ZMAT3: variants seen among roughly 807,000 people sequenced by gnomAD.
ZMAT3 encodes the protein zinc finger matrin-type protein 3.
A neutral mutation model predicts 32.3 loss-of-function variants in ZMAT3; 17 were observed. The observed-to-expected ratio is 0.53, with a 90% CI of 0.36 to 0.79. The LOEUF is 0.79. ZMAT3 is among the 30% of genes least tolerant of loss of function. ZMAT3 has a pLI of 0.00. For missense variants in ZMAT3, 329 were observed against 359.7 expected (o/e 0.91, Z 0.69); for synonymous variants, 120 against 133.1 (o/e 0.90, Z 0.68).
At chr3:179,030,344 C>A (rs1045588049) in intron 3 of ZMAT3, among the ~76,000 whole-genome samples, 4 of 151,514 alleles carry the variant, frequency 2.6e-5, no homozygotes, top group Non-Finnish European at 4.4e-5. Context: ...GATCATTTAG[C>A]CCAGAATTTC....
At chr3:179,042,383 G>C (rs1201748129) in intron 2 of ZMAT3, among the ~76,000 whole-genome samples, 1 of 152,062 alleles carries the variant, frequency 6.6e-6, no homozygotes, top group African/African-American at 2.4e-5. Flanking sequence ...ACCATGATCA[G>C]GTCAGCTTCA....
Position 179,030,911 on chromosome 3 carries a change from G to T in ZMAT3, c.359C>A (p.Ala120Glu). 6.2e-7 allele frequency: 1 copy of T among 1,613,682 alleles called. No individual in the cohort carries two copies. The highest frequency in any genetic ancestry group is 8.5e-7 in the Non-Finnish European group (1 of 1,179,764). Reference sequence around the variant, plus strand: ...AGGGACTGGAACAACTGGAGTAGCTGCAGGCTCGACCACATTGCTCATTCT... The same window carrying T: ...AGGGACTGGAACAACTGGAGTAGCTTCAGGCTCGACCACATTGCTCATTCT... ...PARMSNVVEP[A>E]ATPVVPVPPQ... Residue 120 changes from alanine to glutamate, a missense_variant, in exon 3 of 6, where the codon GCA (alanine) becomes GAA (glutamate). By Grantham distance (107) the Ala-to-Glu change is moderately radical. Coordinates refer to ENST00000311417, the MANE Select transcript of ZMAT3 (RefSeq NM_022470.4).
At chr3:179,032,433 G>T (rs1719307121) in intron 2 of ZMAT3, among the ~76,000 whole-genome samples, 1 of 152,098 alleles carries the variant, frequency 6.6e-6, no homozygotes, top group South Asian at 2.1e-4. Context: ...CCCCGTCTAG[G>T]AAGTGAGGAG....
intron 2 of ZMAT3, among the ~76,000 whole-genome samples, chr3:179,031,910 T>TA (rs202046192): frequency 6.5e-5 from 2 of 30,790 alleles, no homozygotes; most frequent in African/African-American, 1.3e-4. Flanking sequence ...CTGTCTCAAA[T>TA]AAAAAAAAAA....
chr3:179,024,842 CCCCCG>C lies in ZMAT3; in HGVS notation c.*170_*174del. ...GAAGCACGTTCTTCACACCCACCTCCCCCCGCCCCGCCCCCGGGCCCCCAGGTTTT... is the reference window on the plus strand; with the variant it reads ...GAAGCACGTTCTTCACACCCACCTCCCCCCGCCCCCGGGCCCCCAGGTTTT... On this transcript the variant is annotated 3_prime_UTR_variant, in exon 6 of 6. Coordinates refer to ENST00000311417, the MANE Select transcript of ZMAT3 (RefSeq NM_022470.4). 3.5e-6 allele frequency: 2 copies of C among 565,080 alleles called. No homozygotes were observed. The allele number at this position is 565,080 out of a possible 1,614,324, so 35.0% of individuals were successfully genotyped here. A position where few individuals can be genotyped will look rare whatever the true frequency, so the allele number is the denominator to read the frequency against.
In ZMAT3 at chr3:179,067,630, C is replaced by G; in HGVS notation, c.123G>C (p.Gln41His). 1 of 1,614,170 alleles carries G rather than the reference C, an allele frequency of 6.2e-7. No homozygotes were observed. The highest frequency in any genetic ancestry group is 8.5e-7 in the Non-Finnish European group (1 of 1,180,030). ...LQLPPQKPFGQEASLPLAGEE... is the reference protein window; with the variant it reads ...LQLPPQKPFGHEASLPLAGEE... ...CCCCTGCAAGAGGCAAGGAAGCCTC[C>G]TGCCCAAAAGGCTTCTGTGGTGGAA... Residue 41 changes from glutamine (Q) to histidine (H), a missense_variant, in exon 2 of 6, where the codon CAG (glutamine) becomes CAC (histidine). By Grantham distance (24) the Gln-to-His change is conservative. Coordinates refer to ENST00000311417, the MANE Select transcript of ZMAT3 (RefSeq NM_022470.4).
At chr3:179,066,155 G>A (rs1721405580) in intron 2 of ZMAT3, among the ~76,000 whole-genome samples, 1 of 152,240 alleles carries the variant, frequency 6.6e-6, no homozygotes, top group Non-Finnish European at 1.5e-5. Context: ...GTAAAGACAG[G>A]CAAAGGAAGA....
At position 179,017,422 on chromosome 3, in the gene ZMAT3, A is replaced by T. The variant is rs571983112; in HGVS notation, c.*7595T>A. On this transcript the variant is annotated 3_prime_UTR_variant, in exon 6 of 6. Coordinates refer to ENST00000311417, the MANE Select transcript of ZMAT3 (RefSeq NM_022470.4). ...CTAAAGAAAATAAAACCGAAAGAGTAGTTTCAATTTCACAATTCACAGTTG... is the reference window on the plus strand; with the variant it reads ...CTAAAGAAAATAAAACCGAAAGAGTTGTTTCAATTTCACAATTCACAGTTG... 4 of 152,328 alleles carry T rather than the reference A, an allele frequency of 2.6e-5. No individual in the cohort carries two copies. Among genetic ancestry groups the T allele is most frequent in the East Asian group, 1.9e-4 (1 of 5,190 alleles). 9.4% of individuals were successfully genotyped at this position (152,328 alleles called of 1,614,324 possible). A position where few individuals can be genotyped will look rare whatever the true frequency, so the allele number is the denominator to read the frequency against.
chr3:179,045,737 A>C lies in ZMAT3; in HGVS notation c.271-14738T>G, dbSNP rs190700684. 1.6e-3 allele frequency among the ~76,000 whole-genome samples: 240 copies of C among 152,328 alleles called. 3 individuals carry two copies. The highest frequency in any genetic ancestry group is 5.6e-3 in the African/African-American group (231 of 41,564). On this transcript the variant is annotated intron_variant, in intron 2 of 5. Coordinates refer to ENST00000311417, the MANE Select transcript of ZMAT3 (RefSeq NM_022470.4). Reference sequence around the variant, plus strand: ...GATACATGGGGACTTCAGCTGAATTAATAATTTTTACTCCTTAAGCTAGAT... The same window carrying C: ...GATACATGGGGACTTCAGCTGAATTCATAATTTTTACTCCTTAAGCTAGAT...
chr3:179,024,704 C>CTACT lies in ZMAT3; in HGVS notation c.*309_*312dup. On this transcript the variant is annotated 3_prime_UTR_variant, in exon 6 of 6. Transcript: ENST00000311417. Reference sequence around the variant, plus strand: ...ATAGTCAAAGTTCTAAGCCGTCAGGCTACTAGTTGACCAGAACTTGAGCAA... The same window carrying CTACT: ...ATAGTCAAAGTTCTAAGCCGTCAGGCTACTTACTAGTTGACCAGAACTTGAGCAA... 1.1e-5 allele frequency: 3 copies of CTACT among 266,736 alleles called. No individual in the cohort carries two copies. Among genetic ancestry groups the CTACT allele is most frequent in the Non-Finnish European group, 1.5e-5 (2 of 137,030 alleles). The allele number at this position is 266,736 out of a possible 1,614,324, so 16.5% of individuals were successfully genotyped here.
At position 179,025,086 on chromosome 3, in the gene ZMAT3, G is replaced by A; in HGVS notation, c.801C>T (p.Ser267=). ...EEMEFRQHLE[S]KQHKSKVSEQ... The stretch of plus-strand genomic sequence containing the variant: ...CAGACACCTTGCTCTTATGTTGCTT[G>A]CTCTCTAAATGCTGCCGGAATTCCA... Residue 267 remains serine (S), a synonymous_variant, in exon 6 of 6, where the codon AGC becomes AGT. Coordinates refer to ENST00000311417, the MANE Select transcript of ZMAT3 (RefSeq NM_022470.4). 2 of 1,614,186 alleles carry A rather than the reference G, an allele frequency of 1.2e-6. No individual in the cohort carries two copies. Among genetic ancestry groups the A allele is most frequent in the Non-Finnish European group, 1.7e-6 (2 of 1,180,048 alleles).
intron 3 of ZMAT3, among the ~76,000 whole-genome samples, chr3:179,028,441 G>C (rs1312805409): frequency 6.6e-6 from 1 of 152,190 alleles, no homozygotes; most frequent in Non-Finnish European, 1.5e-5. Context: ...GACACACTAG[G>C]TTTTGGCCAG....
chr3:179,056,559 C>CT (rs1307662453), intron 2 of ZMAT3, among the ~76,000 whole-genome samples: 3 of 152,228 alleles, frequency 2.0e-5, no homozygotes, highest in African/African-American at 7.2e-5. Flanking sequence ...TGAAGATACT[C>CT]TGAGTCAGAA....
rs375265152 is a variant in ZMAT3 at position 179,032,128 on chromosome 3, G to C, written c.271-1129C>G. On this transcript the variant is annotated intron_variant, in intron 2 of 5. Coordinates refer to ENST00000311417, the MANE Select transcript of ZMAT3 (RefSeq NM_022470.4). ...CCTGATTCTCCTGCCTCAGCCTGCCGAGTGCCTGCGATTGCAGGTGTGCGC... is the reference window on the plus strand; with the variant it reads ...CCTGATTCTCCTGCCTCAGCCTGCCCAGTGCCTGCGATTGCAGGTGTGCGC... Among the ~76,000 whole-genome samples, 487 of 148,630 alleles carry C rather than the reference G, an allele frequency of 3.3e-3. 4 individuals are homozygous for C. The South Asian group carries it at 0.04, about 12-fold the overall frequency.
chr3:179,047,820 C>A (rs1186095082), intron 2 of ZMAT3, among the ~76,000 whole-genome samples: 1 of 151,926 alleles, frequency 6.6e-6, no homozygotes, highest in Non-Finnish European at 1.5e-5. Context: ...GATCATGTGA[C>A]TGCACTCCAG....
chr3:179,065,188 T>C (rs574851035), intron 2 of ZMAT3, among the ~76,000 whole-genome samples: 20 of 152,296 alleles, frequency 1.3e-4, no homozygotes, highest in African/African-American at 4.8e-4. Context: ...TTCCCATCTT[T>C]ACCCTGGTTT....
intron 2 of ZMAT3, among the ~76,000 whole-genome samples, chr3:179,044,806 C>T (rs1404177029): frequency 6.6e-6 from 1 of 151,906 alleles, no homozygotes; most frequent in Non-Finnish European, 1.5e-5. Flanking sequence ...CTTATGTTCT[C>T]ACTCATACGT....
At chr3:179,038,550 C>A (rs1276385928) in intron 2 of ZMAT3, among the ~76,000 whole-genome samples, 1 of 152,188 alleles carries the variant, frequency 6.6e-6, no homozygotes, top group Non-Finnish European at 1.5e-5. Flanking sequence ...TACACTCCAG[C>A]TGGGTGACAG....
chr3:179,056,767 A>C (rs553415475), intron 2 of ZMAT3, among the ~76,000 whole-genome samples: 129 of 152,268 alleles, frequency 8.5e-4, no homozygotes, highest in African/African-American at 3.1e-3. Context: ...TCACTATCCA[A>C]GGGGTCCTAG....
Sources: allele counts gnomAD v4.1 joint callset (sites outside exome capture counted in the v4.1 genomes callset), GRCh38; gene constraint gnomAD v4.1.1; transcripts MANE v1.5; gene names NCBI Gene and HGNC (gene_info 2026-07-23, HGNC 2026-07-21).